Variants in ACBD5 observed in about 807,000 individuals in gnomAD.
The protein encoded by ACBD5 is acyl-CoA binding domain containing 5.
In ACBD5, 40 loss-of-function variants were observed where a neutral mutation model predicts 71.8. That is an observed-to-expected ratio of 0.56 (90% CI 0.43 to 0.72). The LOEUF (loss-of-function observed/expected upper bound fraction) is 0.72. ACBD5 is among the 30% of genes least tolerant of loss of function. The pLI, the probability that ACBD5 is intolerant of heterozygous loss-of-function variation, is 0.00. For missense variants in ACBD5, 559 were observed against 644.5 expected (o/e 0.87, Z 1.44); for synonymous variants, 229 against 218.6 (o/e 1.05, Z -0.42).
rs899033039 is a variant in ACBD5 at position 27,208,326 on chromosome 10, G to A, written c.1324C>T (p.Leu442Phe). The change falls in exon 10 of 13, where the codon CTC becomes TTC. Residue 442 changes from leucine (L) to phenylalanine (F), a missense_variant. Leu to Phe is a conservative substitution (Grantham distance 22). Transcript: ENST00000396271. ...TCCTCCTGCAGTCTCATCAGCACGA[G>A]GGCGATCTGCTCATTGAGGCTGCCT... is the stretch of plus-strand genomic sequence containing the variant. Reference protein sequence around the residue: ...SRGSLNEQIALVLMRLQEDMQ... With the variant: ...SRGSLNEQIAFVLMRLQEDMQ... The A allele has an allele frequency of 1.9e-6, 3 of 1,614,044 alleles. No individual in the cohort carries two copies. The highest frequency in any genetic ancestry group is 2.5e-6 in the Non-Finnish European group (3 of 1,180,046).
intron 5 of ACBD5, 196 bp downstream of exon 5, chr10:27,223,142 T>G (rs751017670): frequency 5.6e-6 from 4 of 711,482 alleles, no homozygotes; most frequent in Non-Finnish European, 1.0e-5. Context: ...TTCTGTAAGT[T>G]TGTGCAGAAT....
intron 12 of ACBD5, among the ~76,000 whole-genome samples, chr10:27,201,628 C>T (rs767497637): frequency 2.0e-5 from 3 of 152,100 alleles, no homozygotes; most frequent in Non-Finnish European, 4.4e-5. Context: ...CATGGCGAAA[C>T]CCTGTCTCTA....
chr10:27,197,735 C>G (rs2059498127), intron 12 of ACBD5, among the ~76,000 whole-genome samples: 1 of 152,176 alleles, frequency 6.6e-6, no homozygotes, highest in Non-Finnish European at 1.5e-5. Context: ...AACCCTCCGC[C>G]TCCCGGGTAC....
intron 2 of ACBD5, among the ~76,000 whole-genome samples, chr10:27,238,615 T>C (rs1223499406): frequency 6.6e-6 from 1 of 152,180 alleles, no homozygotes; most frequent in Non-Finnish European, 1.5e-5. Flanking sequence ...TCCAATAGAA[T>C]GTTTGAAATT....
chr10:27,223,534 A>C, intron 4 of ACBD5, 82 bp from the exon 5 acceptor site: 2 of 1,004,334 alleles, frequency 2.0e-6, no homozygotes, highest in South Asian at 2.6e-5. Flanking sequence ...TCCTATTTCC[A>C]ATTTGTCAAT....
Position 27,210,943 on chromosome 10 carries a change from C to T in ACBD5, c.1075G>A (p.Val359Met), listed in dbSNP as rs774965322. ...PGNGNIGNMQVVAVEGKGEVK... is the reference protein window; with the variant it reads ...PGNGNIGNMQMVAVEGKGEVK... ...TCACCTTTTCCTTCAACTGCAACCA[C>T]CTGCATATTCCCAATGTTGCCATTT... Residue 359 changes from valine to methionine, a missense_variant, in exon 9 of 13, where the codon GTG becomes ATG. By Grantham distance (21) the Val-to-Met change is conservative. Transcript: ENST00000396271. 2.5e-6 allele frequency: 4 copies of T among 1,614,058 alleles called. No individual in the cohort carries two copies. The highest frequency in any genetic ancestry group is 2.2e-5 in the East Asian group (1 of 44,894).
chr10:27,221,093 G>A (rs2062276483), intron 5 of ACBD5, among the ~76,000 whole-genome samples: 1 of 151,778 alleles, frequency 6.6e-6, no homozygotes, highest in South Asian at 2.1e-4. Flanking sequence ...GAATGGCTCA[G>A]GTTAAAAAAA....
chr10:27,215,043 A>G (rs1175125151), intron 8 of ACBD5, among the ~76,000 whole-genome samples: 1 of 152,150 alleles, frequency 6.6e-6, no homozygotes, highest in African/African-American at 2.4e-5. Context: ...ACATGCCTGT[A>G]ATCCCAGCTA....
intron 7 of ACBD5, among the ~76,000 whole-genome samples, chr10:27,217,066 A>G (rs1200154822): frequency 1.3e-5 from 2 of 149,982 alleles, no homozygotes; most frequent in East Asian, 3.9e-4. Flanking sequence ...GAATGGCGTG[A>G]AACCAGGAGG....
upstream of ACBD5, among the ~76,000 whole-genome samples, chr10:27,241,813 G>A (rs562116609): frequency 1.3e-5 from 2 of 152,188 alleles, no homozygotes; most frequent in East Asian, 3.9e-4. Context: ...GGGTGCCCTG[G>A]GCCTTCAACT....
At chr10:27,231,545 C>A (rs1189290198) in intron 4 of ACBD5, among the ~76,000 whole-genome samples, 1 of 152,092 alleles carries the variant, frequency 6.6e-6, no homozygotes. Flanking sequence ...AACATCACAT[C>A]ATCACAGTGT....
At chr10:27,217,832 C>T (rs1480504457) in intron 7 of ACBD5, 148 bp downstream of exon 7, 13 of 820,368 alleles carry the variant, frequency 1.6e-5, no homozygotes, top group Non-Finnish European at 2.3e-5. Flanking sequence ...CACTCTTTTT[C>T]AAAACTATAA....
At chr10:27,222,662 CTGGGTT>C (rs58539899) in intron 5 of ACBD5, among the ~76,000 whole-genome samples, 10,450 of 152,158 alleles carry the variant, frequency 0.069, 681 homozygotes, top group African/African-American at 0.17. Flanking sequence ...ACTTTGCCTC[CTGGGTT>C]CAAGTGATTC....
At chr10:27,209,873 GA>G (rs1291698345) in intron 9 of ACBD5, among the ~76,000 whole-genome samples, 1 of 152,162 alleles carries the variant, frequency 6.6e-6, no homozygotes, top group Non-Finnish European at 1.5e-5. Flanking sequence ...GTTAGGTTAT[GA>G]AATAATTCAC....
chr10:27,211,349 T>C (rs1244728942), intron 8 of ACBD5, among the ~76,000 whole-genome samples: 1 of 152,088 alleles, frequency 6.6e-6, no homozygotes, highest in Non-Finnish European at 1.5e-5. Flanking sequence ...TGAGATGGAG[T>C]CTCGCTCTGT....
chr10:27,198,468 T>C (rs2059581663), intron 12 of ACBD5, among the ~76,000 whole-genome samples: 1 of 152,200 alleles, frequency 6.6e-6, no homozygotes, highest in Non-Finnish European at 1.5e-5. Context: ...TCTGTAGAAA[T>C]ACCCTTATGC....
chr10:27,234,525 A>G (rs1320550803), intron 3 of ACBD5, among the ~76,000 whole-genome samples: 1 of 150,704 alleles, frequency 6.6e-6, no homozygotes, highest in African/African-American at 2.4e-5. Context: ...AAACTCCATG[A>G]AAGTAAAGAT....
chr10:27,206,187 C>A (rs1483930485), intron 10 of ACBD5, among the ~76,000 whole-genome samples: 1 of 151,718 alleles, frequency 6.6e-6, no homozygotes, highest in African/African-American at 2.4e-5. Flanking sequence ...TAGGTGTGAG[C>A]CATGGGCCTA....
chr10:27,231,560 T>C (rs543114602), intron 4 of ACBD5, among the ~76,000 whole-genome samples, 188 bp downstream of exon 4: 1 of 152,298 alleles, frequency 6.6e-6, no homozygotes, highest in Admixed American at 6.5e-5. Context: ...CAGTGTGATA[T>C]ATCTTAGGGA....
Sources: allele counts gnomAD v4.1 joint callset (sites outside exome capture counted in the v4.1 genomes callset), GRCh38; gene constraint gnomAD v4.1.1; transcripts MANE v1.5; gene names NCBI Gene and HGNC (gene_info 2026-07-23, HGNC 2026-07-21).